Variants in RMDN2 observed in about 807,000 individuals in gnomAD.
RMDN2 encodes the protein regulator of microtubule dynamics 2.
A neutral mutation model predicts 52.8 loss-of-function variants in RMDN2; 61 were observed. The ratio of observed to expected loss-of-function variants is 1.16; its 90% CI spans 0.94 to 1.43. The LOEUF is 1.43. Ranked by LOEUF, RMDN2 falls within the 40% of genes most tolerant of loss-of-function variation. The probability of loss-of-function intolerance (pLI) is 0.00; values close to 1 mark genes in which losing one functional copy is unlikely to be tolerated. For missense variants in RMDN2, 592 were observed against 475.3 expected (o/e 1.25, Z -2.28); for synonymous variants, 180 against 153.1 (o/e 1.18, Z -1.30).
downstream of RMDN2, among the ~76,000 whole-genome samples, chr2:38,021,558 C>T (rs1234246872): frequency 8.5e-5 from 13 of 152,056 alleles, no homozygotes; most frequent in East Asian, 1.9e-4. Context: ...CGAACACATC[C>T]GAACATCAGA....
chr2:37,934,308 G>C (rs777995519), intron 2 of RMDN2, among the ~76,000 whole-genome samples: 11 of 152,262 alleles, frequency 7.2e-5, no homozygotes, highest in Non-Finnish European at 1.2e-4. Flanking sequence ...AGAATCTCTT[G>C]TATTCTGTCT....
intron 2 of RMDN2, among the ~76,000 whole-genome samples, chr2:37,967,566 C>G (rs74653785): frequency 0.063 from 9,633 of 152,230 alleles, 389 homozygotes; most frequent in East Asian, 0.12. Flanking sequence ...TTCTAGAAGA[C>G]CAAAGAATGA....
chr2:37,926,491 A>G (rs192369773), intron 1 of RMDN2, among the ~76,000 whole-genome samples: 1 of 152,208 alleles, frequency 6.6e-6, no homozygotes, highest in Non-Finnish European at 1.5e-5. Context: ...GTCATTTTCC[A>G]TTGTTATTTA....
chr2:37,983,799 T>C (rs1445804435), intron 5 of RMDN2, among the ~76,000 whole-genome samples: 1 of 152,212 alleles, frequency 6.6e-6, no homozygotes, highest in Non-Finnish European at 1.5e-5. Context: ...GAATTAAGGC[T>C]GAATTTATTA....
chr2:38,051,687 C>T (rs1466073197), intron 10 of RMDN2, among the ~76,000 whole-genome samples: 1 of 152,192 alleles, frequency 6.6e-6, no homozygotes, highest in East Asian at 1.9e-4. Flanking sequence ...TCCCCCTACA[C>T]ATACCTTTCC....
At chr2:37,985,062 C>T (rs1438476148) in intron 5 of RMDN2, among the ~76,000 whole-genome samples, 1 of 151,852 alleles carries the variant, frequency 6.6e-6, no homozygotes, top group Admixed American at 6.6e-5. Flanking sequence ...ACTCTAGGGG[C>T]AGATTATTTA....
chr2:37,929,284 T>C lies in RMDN2; in HGVS notation c.7T>C (p.Tyr3His), dbSNP rs1666530778. Residue 3 changes from tyrosine to histidine, a missense_variant, in exon 2 of 11, where the codon TAT becomes CAT. Physicochemically the swap from Tyr to His is moderately conservative, Grantham distance 83. Coordinates refer to ENST00000354545, the MANE Select transcript of RMDN2 (RefSeq NM_001170791.3). ...TAGAAACGAAAACCAAGAAATGCCT[T>C]ATTCCACAAACAAAGAGTTGATACT... is the stretch of plus-strand genomic sequence containing the variant. Reference protein sequence around the residue: MPYSTNKELILGI... With the variant: MPHSTNKELILGI... 2 of 1,519,316 alleles carry C rather than the reference T, an allele frequency of 1.3e-6. No individual in the cohort carries two copies. Among genetic ancestry groups the C allele is most frequent in the African/African-American group, 1.4e-5 (1 of 71,466 alleles). The allele number at this position is 1,519,316 out of a possible 1,614,324, so 94.1% of individuals were successfully genotyped here. A position where few individuals can be genotyped will look rare whatever the true frequency, so the allele number is the denominator to read the frequency against.
At chr2:37,977,375 G>A (rs1021195693) in intron 4 of RMDN2, among the ~76,000 whole-genome samples, 3 of 152,108 alleles carry the variant, frequency 2.0e-5, no homozygotes, top group Non-Finnish European at 2.9e-5. Context: ...AGACGGGGTG[G>A]TGGCCGGGCA....
intron 5 of RMDN2, among the ~76,000 whole-genome samples, chr2:37,983,104 G>A (rs890497516): frequency 6.7e-6 from 1 of 150,018 alleles, no homozygotes; most frequent in African/African-American, 2.5e-5. Context: ...TCTCTCCCTC[G>A]TCTATTGCTC....
At chr2:37,972,572 T>A (rs1390233523) in intron 2 of RMDN2, among the ~76,000 whole-genome samples, 1 of 151,906 alleles carries the variant, frequency 6.6e-6, no homozygotes, top group Non-Finnish European at 1.5e-5. Context: ...TGATGGAGGG[T>A]TTTGAGCAAA....
intron 10 of RMDN2, among the ~76,000 whole-genome samples, chr2:38,016,584 A>G (rs750389949): frequency 7.2e-5 from 11 of 152,224 alleles, no homozygotes; most frequent in Non-Finnish European, 1.6e-4. Context: ...TAATGAGACA[A>G]TGCACATGGA....
chr2:37,983,751 T>C (rs964840929), intron 5 of RMDN2, among the ~76,000 whole-genome samples: 2 of 152,224 alleles, frequency 1.3e-5, no homozygotes, highest in African/African-American at 4.8e-5. Context: ...AATGTTCAAA[T>C]CTTATTCTGC....
intron 2 of RMDN2, among the ~76,000 whole-genome samples, chr2:37,948,491 C>G (rs1248357052): frequency 6.6e-6 from 1 of 151,812 alleles, no homozygotes; most frequent in Non-Finnish European, 1.5e-5. Context: ...TACCTGGGGT[C>G]ATGGAATTGA....
intron 2 of RMDN2, among the ~76,000 whole-genome samples, chr2:37,944,587 G>A (rs1427172968): frequency 6.6e-6 from 1 of 152,228 alleles, no homozygotes; most frequent in Non-Finnish European, 1.5e-5. Context: ...GGACTGAACT[G>A]TGTTTACCGG....
Position 37,997,404 on chromosome 2 carries a change from G to A in RMDN2, c.946-12G>A, listed in dbSNP as rs779973846. 5.1e-6 allele frequency: 8 copies of A among 1,563,236 alleles called. No individual in the cohort carries two copies. The South Asian group carries it at 7.8e-5, about 15-fold the overall frequency. Reference sequence around the variant, plus strand: ...ACAACTTTCTAAGAGTGATGTTGTTGTGTATTTGCAGGTCTCAAAACTGAG... The same window carrying A: ...ACAACTTTCTAAGAGTGATGTTGTTATGTATTTGCAGGTCTCAAAACTGAG... On this transcript the variant is annotated splice_polypyrimidine_tract_variant and intron_variant, in intron 7 of 10. Transcript: ENST00000354545.
intron 10 of RMDN2, among the ~76,000 whole-genome samples, chr2:38,011,394 A>T (rs1677969582): frequency 6.6e-6 from 1 of 152,170 alleles, no homozygotes; most frequent in South Asian, 2.1e-4. Flanking sequence ...AACAACAACA[A>T]AAAAATAGGT....
chr2:38,020,381 C>T (rs771464868), downstream of RMDN2, among the ~76,000 whole-genome samples: 23 of 152,324 alleles, frequency 1.5e-4, no homozygotes, highest in Admixed American at 3.3e-4. Context: ...TCGCTCTCTG[C>T]GCCTCCTCTG....
At chr2:38,034,965 T>C (rs1315292138) in intron 10 of RMDN2, among the ~76,000 whole-genome samples, 2 of 152,170 alleles carry the variant, frequency 1.3e-5, no homozygotes, top group African/African-American at 4.8e-5. Flanking sequence ...GTCACTACTA[T>C]TATTGAATAT....
chr2:37,940,393 G>A (rs993911472), intron 2 of RMDN2, among the ~76,000 whole-genome samples: 1 of 152,064 alleles, frequency 6.6e-6, no homozygotes, highest in Non-Finnish European at 1.5e-5. Context: ...TAGCTTTGTG[G>A]TGTTCTCTGT....
Sources: gnomAD v4.1 joint callset for allele counts (sites outside exome capture counted in the v4.1 genomes callset) on GRCh38, gnomAD v4.1.1 for gene constraint, MANE v1.5 for transcripts, NCBI Gene and HGNC (gene_info 2026-07-23, HGNC 2026-07-21) for gene names.